Variants in MAML2 observed in about 807,000 individuals in gnomAD.
MAML2 encodes the protein mastermind-like protein 2.
MAML2 carries 22 observed loss-of-function variants against 96.1 expected under a neutral mutation model. That is an observed-to-expected ratio of 0.23 (90% CI 0.16 to 0.33). The LOEUF (loss-of-function observed/expected upper bound fraction) is 0.33, where lower values mean the gene tolerates loss of function less well. Among genes scored for constraint, MAML2 ranks in the 10% least tolerant of loss-of-function variants. The probability of loss-of-function intolerance (pLI) is 1.00; values close to 1 mark genes in which losing one functional copy is unlikely to be tolerated. For missense variants in MAML2, 1,367 were observed against 1,392.4 expected (o/e 0.98, Z 0.29); for synonymous variants, 561 against 521.3 (o/e 1.08, Z -1.04).
At position 96,003,601 on chromosome 11, in the gene MAML2, G is replaced by T. The variant is rs144904514; in HGVS notation, c.2140-11878C>A. On this transcript the variant is annotated intron_variant, in intron 2 of 4. Transcript: ENST00000524717. ...TGGGTTCTGGGATCAGGCAGACCTGGGTTCAAATTCCAACTTTGGTTTTTT... is the reference window on the plus strand; with the variant it reads ...TGGGTTCTGGGATCAGGCAGACCTGTGTTCAAATTCCAACTTTGGTTTTTT... Among the ~76,000 whole-genome samples the T allele has an allele frequency of 3.0e-3, 449 of 152,090 alleles. 9 individuals carry two copies. The highest frequency in any genetic ancestry group is 0.026 in the Admixed American group (403 of 15,280).
intron 1 of MAML2, among the ~76,000 whole-genome samples, chr11:96,211,605 A>T (rs1207920527): frequency 6.6e-6 from 1 of 152,138 alleles, no homozygotes; most frequent in Non-Finnish European, 1.5e-5. Flanking sequence ...GATCAGAGGT[A>T]TGGGGGCGTC....
At chr11:96,341,055 G>A (rs896068812) in intron 1 of MAML2, among the ~76,000 whole-genome samples, 2 of 152,186 alleles carry the variant, frequency 1.3e-5, no homozygotes, top group Admixed American at 6.5e-5. Context: ...GGATCCATGA[G>A]ATAGAACCTT....
chr11:96,311,691 T>C (rs78333611), intron 1 of MAML2, among the ~76,000 whole-genome samples: 5,120 of 152,346 alleles, frequency 0.034, 93 homozygotes, highest in Non-Finnish European at 0.044. Context: ...TACAAGCTTT[T>C]GGAATCTAAC....
intron 1 of MAML2, among the ~76,000 whole-genome samples, chr11:96,314,154 T>G (rs147711897): frequency 6.6e-6 from 1 of 152,368 alleles, no homozygotes; most frequent in East Asian, 1.9e-4. Flanking sequence ...CTAAGGCTAG[T>G]TCTGCAGAGA....
At chr11:96,164,863 G>A (rs1249531201) in intron 1 of MAML2, among the ~76,000 whole-genome samples, 10 of 152,184 alleles carry the variant, frequency 6.6e-5, no homozygotes, top group Admixed American at 2.0e-4. Context: ...CTGATTAGGG[G>A]AGAAACCCAC....
chr11:96,138,292 C>T (rs1330577723), intron 1 of MAML2, among the ~76,000 whole-genome samples: 1 of 152,180 alleles, frequency 6.6e-6, no homozygotes, highest in Non-Finnish European at 1.5e-5. Context: ...TTGTCTCCCT[C>T]TTCAAGTACT....
At chr11:96,101,738 G>A (rs1184989701) in intron 1 of MAML2, among the ~76,000 whole-genome samples, 1 of 152,070 alleles carries the variant, frequency 6.6e-6, no homozygotes, top group Non-Finnish European at 1.5e-5. Flanking sequence ...ACCTTAGGCT[G>A]GTCTGACACT....
chr11:96,045,020 A>T (rs1402809438), intron 2 of MAML2, among the ~76,000 whole-genome samples: 1 of 152,188 alleles, frequency 6.6e-6, no homozygotes, highest in Non-Finnish European at 1.5e-5. Context: ...CACTTGGTTG[A>T]AAAAGCAAGT....
rs1303018225 is a variant in MAML2, at chr11:96,341,405, T to C, written c.491A>G (p.Gln164Arg). The C allele has an allele frequency of 2.0e-6, 3 of 1,537,044 alleles. No homozygotes were observed. The East Asian group carries it at 7.4e-5, about 38-fold the overall frequency. ...TACCGCAATCAGGGCTGAGTTCCTC[T>C]GGTCCCCTGGGGTTGAAGCGGGCGG... ...QQPPASTPGD[Q>R]RNSALIALQG... The change falls in exon 1 of 5, where the codon CAG (glutamine) becomes CGG (arginine). Residue 164 changes from glutamine to arginine, a missense_variant. Coordinates refer to ENST00000524717, the MANE Select transcript of MAML2 (RefSeq NM_032427.4).
chr11:96,073,321 CTTT>C (rs57220287), intron 2 of MAML2, among the ~76,000 whole-genome samples: 191 of 108,294 alleles, frequency 1.8e-3, no homozygotes, highest in African/African-American at 5.2e-3. Flanking sequence ...CTTTTCTTTT[CTTT>C]TTTTTTTTTT....
intron 2 of MAML2, among the ~76,000 whole-genome samples, chr11:96,039,986 C>A (rs1181396460): frequency 6.8e-6 from 1 of 147,726 alleles, no homozygotes; most frequent in African/African-American, 2.5e-5. Flanking sequence ...AAAAAAAGAT[C>A]ATCACAACCT....
chr11:96,178,872 C>A (rs1198632825), intron 1 of MAML2, among the ~76,000 whole-genome samples: 1 of 152,274 alleles, frequency 6.6e-6, no homozygotes, highest in East Asian at 1.9e-4. Context: ...TATAAAATGG[C>A]ATGGCTATTG....
chr11:96,185,413 T>C (rs1861558821), intron 1 of MAML2, among the ~76,000 whole-genome samples: 1 of 152,206 alleles, frequency 6.6e-6, no homozygotes. Flanking sequence ...GGTGCTAGCA[T>C]AGGAGGGCAG....
At chr11:96,008,153 T>G (rs1858215392) in intron 2 of MAML2, among the ~76,000 whole-genome samples, 1 of 152,228 alleles carries the variant, frequency 6.6e-6, no homozygotes, top group Admixed American at 6.5e-5. Context: ...CATTTGTGAT[T>G]AAAACCTTGA....
At chr11:96,191,069 C>T (rs1168664522) in intron 1 of MAML2, among the ~76,000 whole-genome samples, 5 of 152,034 alleles carry the variant, frequency 3.3e-5, no homozygotes, top group Admixed American at 6.6e-5. Context: ...AGAGGAAATA[C>T]CAGGCTATAG....
chr11:96,276,816 C>CAAAAAA (rs67291067), intron 1 of MAML2, among the ~76,000 whole-genome samples: 1 of 78,654 alleles, frequency 1.3e-5, no homozygotes, highest in African/African-American at 4.7e-5. Context: ...TTCTCAGACC[C>CAAAAAA]AAAAAAAAAA....
chr11:96,285,647 T>C (rs972471786), intron 1 of MAML2, among the ~76,000 whole-genome samples: 1 of 151,908 alleles, frequency 6.6e-6, no homozygotes, highest in Non-Finnish European at 1.5e-5. Context: ...AACAACCCCA[T>C]TAAAAAGTAG....
chr11:96,043,876 C>T (rs1322716634), intron 2 of MAML2, among the ~76,000 whole-genome samples: 1 of 152,212 alleles, frequency 6.6e-6, no homozygotes, highest in Non-Finnish European at 1.5e-5. Flanking sequence ...CCAACAGAGG[C>T]ATTCAAAGAA....
At chr11:96,260,495 CT>C (rs1196239787) in intron 1 of MAML2, among the ~76,000 whole-genome samples, 6 of 152,168 alleles carry the variant, frequency 3.9e-5, no homozygotes, top group African/African-American at 1.4e-4. Context: ...AGATGGACAT[CT>C]GATAGGAGAG....
Sources: gnomAD v4.1 joint callset for allele counts (sites outside exome capture counted in the v4.1 genomes callset) on GRCh38, gnomAD v4.1.1 for gene constraint, MANE v1.5 for transcripts, NCBI Gene and HGNC (gene_info 2026-07-23, HGNC 2026-07-21) for gene names.